Variants in DAB1 observed in about 807,000 individuals in gnomAD.
DAB1 encodes DAB adaptor protein 1.
Under a neutral mutation model 64.6 loss-of-function variants are expected in DAB1, and 15 were observed. That is an observed-to-expected ratio of 0.23 (90% CI 0.16 to 0.36). DAB1 has a LOEUF of 0.36. DAB1 is among the 10% of genes least tolerant of loss of function. The pLI is 1.00. For synonymous variants in DAB1, 235 were observed against 251.9 expected (o/e 0.93, Z 0.64); for missense variants, 596 against 706.7 (o/e 0.84, Z 1.78).
chr1:57,208,696 G>A (rs1375503783), intron 2 of DAB1, among the ~76,000 whole-genome samples: 1 of 152,148 alleles, frequency 6.6e-6, no homozygotes, highest in Non-Finnish European at 1.5e-5. Flanking sequence ...AGGTACTGTG[G>A]CAGGTGATTT....
At chr1:57,198,647 TCTCACACACACACACACACA>T (rs1664831188) in intron 2 of DAB1, among the ~76,000 whole-genome samples, 1 of 112,850 alleles carries the variant, frequency 8.9e-6, no homozygotes, top group African/African-American at 3.1e-5. Context: ...ATCTTCTCTC[TCTCACACACACACACACACA>T]CACACACACA....
rs541375541 is a variant in DAB1, at chr1:57,846,332, C to A, written n.88-19877G>T. ...AATTAGCTGAGCGTGGTGGCAGGCA[C>A]CTGTAGTCCCATGTACTCAGGAGGC... On this transcript the variant is annotated intron_variant and non_coding_transcript_variant, in intron 1 of 1. Transcript: ENST00000477280. 3.3e-5 allele frequency among the ~76,000 whole-genome samples: 5 copies of A among 151,964 alleles called. No homozygotes were observed. The East Asian group carries it at 9.7e-4, about 30-fold the overall frequency.
rs544965858 is a variant in DAB1, at chr1:57,754,693, TAAAC to T, written n.552-105032_552-105029del. Among the ~76,000 whole-genome samples the T allele has an allele frequency of 3.1e-3, 458 of 150,060 alleles. 2 individuals are homozygous for T. The highest frequency in any genetic ancestry group is 9.8e-3 in the African/African-American group (400 of 40,838). ...AGATAGAGGGAGATTCTGTCTAAAA[TAAAC>T]AAACAAACAAACAAAACAAACAAAC... is the stretch of plus-strand genomic sequence containing the variant. On this transcript the variant is annotated intron_variant and non_coding_transcript_variant, in intron 6 of 20. Transcript: ENST00000485760.
chr1:57,431,501 T>A (rs1411175066), intron 7 of DAB1, among the ~76,000 whole-genome samples: 1 of 152,128 alleles, frequency 6.6e-6, no homozygotes, highest in Non-Finnish European at 1.5e-5. Context: ...CAACAGAACA[T>A]CTCTTCTTTC....
intron 6 of DAB1, among the ~76,000 whole-genome samples, chr1:57,699,897 G>A (rs183417497): frequency 2.6e-5 from 4 of 152,262 alleles, no homozygotes; most frequent in African/African-American, 9.6e-5. Context: ...TGGTGACAGA[G>A]TGAGAGTCCA....
chr1:58,051,048 A>AT (rs755067672), intron 5 of DAB1, among the ~76,000 whole-genome samples: 1 of 151,956 alleles, frequency 6.6e-6, no homozygotes, highest in Non-Finnish European at 1.5e-5. Context: ...AAGAGAAGAA[A>AT]TTTTTTTTAT....
chr1:57,998,239 A>C (rs1570197723), intron 5 of DAB1, among the ~76,000 whole-genome samples: 1 of 152,290 alleles, frequency 6.6e-6, no homozygotes, highest in East Asian at 1.9e-4. Context: ...CTTGTGCATG[A>C]CCTTGAACAA....
At chr1:58,269,073 T>G (rs1346073780) in intron 4 of DAB1, among the ~76,000 whole-genome samples, 1 of 151,556 alleles carries the variant, frequency 6.6e-6, no homozygotes, top group Non-Finnish European at 1.5e-5. Flanking sequence ...TGCAGGTTAG[T>G]TACATATGTA....
chr1:57,011,125 A>G lies in DAB1; in HGVS notation c.1572+20T>C, dbSNP rs760815827. The G allele has an allele frequency of 1.9e-6, 3 of 1,613,730 alleles. No individual in the cohort carries two copies. The highest frequency in any genetic ancestry group is 2.2e-5 in the East Asian group (1 of 44,868). On this transcript the variant is annotated intron_variant, in intron 13 of 14. Coordinates refer to ENST00000371236, the MANE Select transcript of DAB1 (RefSeq NM_001365792.1). Reference sequence around the variant, plus strand: ...TAATTTTAAGGAAAAACACAAACAAATAACAAACTGGTCACTTACAGCTTC... The same window carrying G: ...TAATTTTAAGGAAAAACACAAACAAGTAACAAACTGGTCACTTACAGCTTC...
intron 9 of DAB1, among the ~76,000 whole-genome samples, chr1:57,045,436 G>A (rs1206275156): frequency 2.0e-5 from 3 of 152,196 alleles, no homozygotes; most frequent in Non-Finnish European, 2.9e-5. Flanking sequence ...GGTGGCTCAT[G>A]CCTGTAATCC....
chr1:57,508,515 A>C (rs1644372451), intron 7 of DAB1, among the ~76,000 whole-genome samples: 1 of 152,244 alleles, frequency 6.6e-6, no homozygotes, highest in Non-Finnish European at 1.5e-5. Context: ...ATGGCTTGGC[A>C]ATCTTTTTCT....
intron 4 of DAB1, among the ~76,000 whole-genome samples, chr1:57,109,413 T>G (rs1418806818): frequency 6.6e-6 from 1 of 152,152 alleles, no homozygotes; most frequent in Non-Finnish European, 1.5e-5. Flanking sequence ...AGTGACCTCT[T>G]GATTTGACTC....
At chr1:57,762,238 C>T (rs548887638) in intron 6 of DAB1, among the ~76,000 whole-genome samples, 1 of 152,126 alleles carries the variant, frequency 6.6e-6, no homozygotes, top group East Asian at 1.9e-4. Flanking sequence ...CTTAAAAAGT[C>T]CATGGATAAT....
chr1:57,288,280 G>A (rs1672492613), intron 2 of DAB1, among the ~76,000 whole-genome samples: 1 of 151,712 alleles, frequency 6.6e-6, no homozygotes. Context: ...ATGCGATGGT[G>A]ATGATGATGA....
At chr1:57,820,734 A>T (rs1652079764) in intron 6 of DAB1, among the ~76,000 whole-genome samples, 1 of 152,218 alleles carries the variant, frequency 6.6e-6, no homozygotes. Context: ...CTGAACACAG[A>T]CATCTTTTTG....
chr1:57,184,701 C>T (rs1663344460), intron 2 of DAB1, among the ~76,000 whole-genome samples: 1 of 152,176 alleles, frequency 6.6e-6, no homozygotes, highest in South Asian at 2.1e-4. Context: ...ATCATGTACT[C>T]CACAAACCCT....
chr1:58,465,569 T>C (rs1479343998), intron 3 of DAB1, among the ~76,000 whole-genome samples: 1 of 152,082 alleles, frequency 6.6e-6, no homozygotes, highest in African/African-American at 2.4e-5. Flanking sequence ...CGTGGAAAGA[T>C]GGTGAAGGAT....
At chr1:58,132,254 A>G (rs1018356516) in intron 5 of DAB1, among the ~76,000 whole-genome samples, 7 of 152,314 alleles carry the variant, frequency 4.6e-5, no homozygotes, top group African/African-American at 9.6e-5. Context: ...TCTTTGACTC[A>G]GAAAGGGAAC....
At chr1:57,706,599 G>A (rs1464450030) in intron 6 of DAB1, among the ~76,000 whole-genome samples, 2 of 152,062 alleles carry the variant, frequency 1.3e-5, no homozygotes, top group African/African-American at 4.8e-5. Context: ...ACAGGTGTAA[G>A]CTACCATGCC....
Sources: gnomAD v4.1 joint callset for allele counts (sites outside exome capture counted in the v4.1 genomes callset) on GRCh38, gnomAD v4.1.1 for gene constraint, MANE v1.5 for transcripts, NCBI Gene and HGNC (gene_info 2026-07-23, HGNC 2026-07-21) for gene names.